Variants in CFAP20DC observed in about 807,000 individuals in gnomAD.
The protein encoded by CFAP20DC is CFAP20 domain containing.
Under a neutral mutation model 101.7 loss-of-function variants are expected in CFAP20DC, and 84 were observed. The ratio of observed to expected loss-of-function variants is 0.83; its 90% CI spans 0.69 to 0.99. The LOEUF (loss-of-function observed/expected upper bound fraction) is 0.99, where lower values mean the gene tolerates loss of function less well. CFAP20DC is among the 50% of genes least tolerant of loss of function. The pLI, the probability that CFAP20DC is intolerant of heterozygous loss-of-function variation, is 0.00. For missense variants in CFAP20DC, 1,007 were observed against 970.3 expected, an observed-to-expected ratio of 1.04 and a Z score of -0.50; for synonymous variants, 359 against 351.2, an observed-to-expected ratio of 1.02 and a Z score of -0.25.
At chr3:58,998,877 T>C (rs907855071) in intron 4 of CFAP20DC, among the ~76,000 whole-genome samples, 1 of 152,238 alleles carries the variant, frequency 6.6e-6, no homozygotes, top group African/African-American at 2.4e-5. Flanking sequence ...TTGTGGATTA[T>C]TTGGTATTAT....
intron 16 of CFAP20DC, among the ~76,000 whole-genome samples, chr3:58,750,276 A>T (rs17059796): frequency 0.17 from 25,116 of 152,112 alleles, 4,246 homozygotes; most frequent in African/African-American, 0.42. Flanking sequence ...TTCCCTGCTG[A>T]TAAAATGCAG....
intron 8 of CFAP20DC, 110 bp downstream of exon 8, chr3:58,870,063 G>GTC (rs2080017016): frequency 9.9e-7 from 1 of 1,012,496 alleles, no homozygotes; most frequent in Non-Finnish European, 1.5e-6. Context: ...GTGTCTGTCT[G>GTC]TCTGTCTGTC....
Position 58,882,527 on chromosome 3 carries a change from C to T in CFAP20DC, c.715+2018G>A, listed in dbSNP as rs1373246384. Among the ~76,000 whole-genome samples, 1 of 152,116 alleles carries T rather than the reference C, an allele frequency of 6.6e-6. No homozygotes were observed. The highest frequency in any genetic ancestry group is 1.5e-5 in the Non-Finnish European group (1 of 68,002). On this transcript the variant is annotated intron_variant, in intron 7 of 16. Coordinates refer to ENST00000482387, the MANE Select transcript of CFAP20DC (RefSeq NM_001394063.1). This position sits in a 1 kb window ranked among gnomAD's most constrained non-coding sequence, Gnocchi z 4.2. ...TTTAGCATTCGTTATTGAAAGTTATCATAGCATATTAGATACAGATATAGC... is the reference window on the plus strand; with the variant it reads ...TTTAGCATTCGTTATTGAAAGTTATTATAGCATATTAGATACAGATATAGC...
rs1281241372 is a variant in CFAP20DC at position 58,964,264 on chromosome 3, G to A, written c.279-26502C>T. ...ACCCACTATGGACTGGTTCTGGCCA[G>A]TTTAGGGAGGCTGGTCACTCAAATG... On this transcript the variant is annotated intron_variant, in intron 4 of 16. Coordinates refer to ENST00000482387, the MANE Select transcript of CFAP20DC (RefSeq NM_001394063.1). The surrounding 1 kb of genome is among the most constrained non-coding windows in gnomAD (Gnocchi z 4.1). 6.6e-6 allele frequency among the ~76,000 whole-genome samples: 1 copy of A among 152,168 alleles called. No individual in the cohort carries two copies. Among genetic ancestry groups the A allele is most frequent in the Non-Finnish European group, 1.5e-5 (1 of 68,032 alleles).
In CFAP20DC at chr3:58,721,138, A is replaced by G. The variant is rs1388178392; in HGVS notation, c.198-3510T>C. Among the ~76,000 whole-genome samples the G allele has an allele frequency of 2.0e-5, 3 of 152,180 alleles. No homozygotes were observed. Among genetic ancestry groups the G allele is most frequent in the Non-Finnish European group, 2.9e-5 (2 of 68,018 alleles). On this transcript the variant is annotated intron_variant, in intron 3 of 3. Coordinates refer to the CFAP20DC transcript ENST00000486145. The surrounding 1 kb of genome is among the most constrained non-coding windows in gnomAD (Gnocchi z 5.2). ...TCCTCTGTCTCCCCATCCACATGTGAATTCCAAGATGCTGGGAGTGGGATT... is the reference window on the plus strand; with the variant it reads ...TCCTCTGTCTCCCCATCCACATGTGGATTCCAAGATGCTGGGAGTGGGATT...
At chr3:58,774,409 G>T (rs2071134732) in intron 15 of CFAP20DC, among the ~76,000 whole-genome samples, 1 of 152,180 alleles carries the variant, frequency 6.6e-6, no homozygotes, top group South Asian at 2.1e-4. Context: ...AGGACCGTAG[G>T]CGTGAACATT....
rs569663914 is a variant in CFAP20DC at position 58,890,612 on chromosome 3, C to G, written c.551-5903G>C. On this transcript the variant is annotated intron_variant, in intron 6 of 16. Transcript: ENST00000482387. ...GGACGGGGTGGCTGCCGGGCGGAGACGCTCCTCACTTCCCAGATGGGGTGG... is the reference window on the plus strand; with the variant it reads ...GGACGGGGTGGCTGCCGGGCGGAGAGGCTCCTCACTTCCCAGATGGGGTGG... 5.8e-3 allele frequency among the ~76,000 whole-genome samples: 883 copies of G among 151,016 alleles called. 10 individuals are homozygous for G. The highest frequency in any genetic ancestry group is 0.019 in the African/African-American group (776 of 41,100).
chr3:58,947,055 C>T (rs1474778645), intron 4 of CFAP20DC, among the ~76,000 whole-genome samples: 2 of 152,276 alleles, frequency 1.3e-5, no homozygotes, highest in African/African-American at 2.4e-5. Context: ...CTACTAAAGC[C>T]TAAAATGATG....
At position 58,882,541 on chromosome 3, in the gene CFAP20DC, T is replaced by C. The variant is rs1447012055; in HGVS notation, c.715+2004A>G. Among the ~76,000 whole-genome samples, 2 of 152,208 alleles carry C rather than the reference T, an allele frequency of 1.3e-5. No individual in the cohort carries two copies. Among genetic ancestry groups the C allele is most frequent in the Non-Finnish European group, 2.9e-5 (2 of 68,008 alleles). ...TTGAAAGTTATCATAGCATATTAGA[T>C]ACAGATATAGCATTTGTTATAGAAC... is the stretch of plus-strand genomic sequence containing the variant. On this transcript the variant is annotated intron_variant, in intron 7 of 16. Coordinates refer to ENST00000482387, the MANE Select transcript of CFAP20DC (RefSeq NM_001394063.1). The surrounding 1 kb of genome is among the most constrained non-coding windows in gnomAD (Gnocchi z 4.2).
chr3:58,896,853 A>G (rs542823208), intron 6 of CFAP20DC, among the ~76,000 whole-genome samples: 11 of 152,158 alleles, frequency 7.2e-5, no homozygotes, highest in Non-Finnish European at 1.5e-4. Flanking sequence ...AGAAGAATGT[A>G]TACTCTGTTG....
intron 14 of CFAP20DC, among the ~76,000 whole-genome samples, chr3:58,806,957 C>T: frequency 6.6e-6 from 1 of 152,164 alleles, no homozygotes; most frequent in Non-Finnish European, 1.5e-5. Context: ...CACGGAGTCT[C>T]ACTGACTGCT....
chr3:58,823,345 T>C lies in CFAP20DC; in HGVS notation c.2175+8341A>G, dbSNP rs559842192. ...CTGTGAAAGCACCAATGAAATAATATAGAATTTGTTTTGATTTTGGCATTC... is the reference window on the plus strand; with the variant it reads ...CTGTGAAAGCACCAATGAAATAATACAGAATTTGTTTTGATTTTGGCATTC... On this transcript the variant is annotated intron_variant, in intron 14 of 16. Coordinates refer to ENST00000482387, the MANE Select transcript of CFAP20DC (RefSeq NM_001394063.1). Among the ~76,000 whole-genome samples, 3 of 152,172 alleles carry C rather than the reference T, an allele frequency of 2.0e-5. 1 individual carries two copies. The highest frequency in any genetic ancestry group is 4.1e-4 in the South Asian group (2 of 4,832).
chr3:58,872,994 A>G (rs190162005), intron 7 of CFAP20DC, among the ~76,000 whole-genome samples: 102 of 150,624 alleles, frequency 6.8e-4, no homozygotes, highest in Non-Finnish European at 9.5e-4. Flanking sequence ...CAGGTCCTCA[A>G]GCAGAAGTCT....
rs1368804674 is a variant in CFAP20DC at position 58,869,131 on chromosome 3, A to G, written c.1015+197T>C. 6.6e-6 allele frequency among the ~76,000 whole-genome samples: 1 copy of G among 152,218 alleles called. No individual in the cohort carries two copies. The highest frequency in any genetic ancestry group is 1.5e-5 in the Non-Finnish European group (1 of 68,028). Reference sequence around the variant, plus strand: ...GTATTATAGCAATTTGAAATAATGGAGAAAACAGAATGATAGATTTCAGAA... The same window carrying G: ...GTATTATAGCAATTTGAAATAATGGGGAAAACAGAATGATAGATTTCAGAA... On this transcript the variant is annotated intron_variant, in intron 9 of 16. Transcript: ENST00000482387. The surrounding 1 kb of genome is among the most constrained non-coding windows in gnomAD (Gnocchi z 4.3).
intron 6 of CFAP20DC, among the ~76,000 whole-genome samples, chr3:58,885,551 T>C (rs2081555669): frequency 6.6e-6 from 1 of 151,732 alleles, no homozygotes; most frequent in Non-Finnish European, 1.5e-5. Flanking sequence ...CCTCTTACAG[T>C]GGTATTCCTC....
At chr3:58,939,666 G>C (rs2088231111) in intron 4 of CFAP20DC, among the ~76,000 whole-genome samples, 1 of 151,228 alleles carries the variant, frequency 6.6e-6, no homozygotes, top group Non-Finnish European at 1.5e-5. Flanking sequence ...CATGATGTTA[G>C]TCAGGATGGT....
chr3:58,905,717 T>A (rs2083519089), intron 6 of CFAP20DC, among the ~76,000 whole-genome samples: 1 of 152,214 alleles, frequency 6.6e-6, no homozygotes. Flanking sequence ...TCAAAATTTT[T>A]AAATCAAATC....
chr3:58,763,811 C>G (rs1003359882), intron 15 of CFAP20DC, among the ~76,000 whole-genome samples: 6 of 152,276 alleles, frequency 3.9e-5, no homozygotes, highest in East Asian at 1.9e-4. Flanking sequence ...CACTCCAGAC[C>G]CTGTTTGCCT....
In CFAP20DC at chr3:58,983,423, GT is replaced by G. The variant is rs573936900; in HGVS notation, c.279-45662del. Among the ~76,000 whole-genome samples the G allele has an allele frequency of 6.1e-3, 934 of 152,106 alleles. 11 individuals are homozygous for G. Among genetic ancestry groups the G allele is most frequent in the Non-Finnish European group, 1.0e-2 (679 of 67,962 alleles). On this transcript the variant is annotated intron_variant, in intron 4 of 16. Coordinates refer to ENST00000482387, the MANE Select transcript of CFAP20DC (RefSeq NM_001394063.1). ...GTTTCCAATTTAACAAACAAAACAT[GT>G]TTTTTTAAAGCACGAAAACCATACT...
Sources: gnomAD v4.1 joint callset for allele counts (sites outside exome capture counted in the v4.1 genomes callset) on GRCh38, gnomAD v4.1.1 for gene constraint, Gnocchi (gnomAD v3.1) non-coding constraint, MANE v1.5 for transcripts, NCBI Gene and HGNC (gene_info 2026-07-23, HGNC 2026-07-21) for gene names.